PBK: variants seen among roughly 807,000 people sequenced by gnomAD.
PBK encodes the protein PDZ binding kinase.
In PBK, 22 loss-of-function variants were observed where a neutral mutation model predicts 33.5. The ratio of observed to expected loss-of-function variants is 0.66; its 90% CI spans 0.47 to 0.94. The LOEUF (loss-of-function observed/expected upper bound fraction) is 0.94, where lower values mean the gene tolerates loss of function less well. Among genes scored for constraint, PBK ranks in the 40% least tolerant of loss-of-function variants. PBK has a pLI of 0.00. For missense variants in PBK, 376 were observed against 383.4 expected, an observed-to-expected ratio of 0.98 and a Z score of 0.16; for synonymous variants, 129 against 123.8, an observed-to-expected ratio of 1.04 and a Z score of -0.28.
Position 27,822,495 on chromosome 8 carries a change from G to T in PBK, c.296-7C>A, listed in dbSNP as rs367671591. Reference sequence around the variant, plus strand: ...TCAGTAAAAGCACGATAACCTTAAAGAAAACATGACATTTCTTCACTAATA... The same window carrying T: ...TCAGTAAAAGCACGATAACCTTAAATAAAACATGACATTTCTTCACTAATA... On this transcript the variant is annotated splice_region_variant and splice_polypyrimidine_tract_variant and intron_variant, in intron 4 of 7. Coordinates refer to ENST00000301905, the MANE Select transcript of PBK (RefSeq NM_018492.4). 3.2e-5 allele frequency: 51 copies of T among 1,578,058 alleles called. No individual in the cohort carries two copies. Among genetic ancestry groups the T allele is most frequent in the Non-Finnish European group, 4.3e-5 (50 of 1,160,798 alleles).
In PBK at chr8:27,833,046, G is replaced by C. The variant is rs1418871050; in HGVS notation, c.58+10C>G. 2 of 1,515,878 alleles carry C rather than the reference G, an allele frequency of 1.3e-6. No homozygotes were observed. The highest frequency in any genetic ancestry group is 2.8e-5 in the African/African-American group (2 of 71,568). 93.9% of individuals were successfully genotyped at this position (1,515,878 alleles called of 1,614,324 possible). On this transcript the variant is annotated intron_variant, in intron 2 of 7. Coordinates refer to ENST00000301905, the MANE Select transcript of PBK (RefSeq NM_018492.4). Reference sequence around the variant, plus strand: ...TAGTAAAAAAAAAAATCTTACATCTGCTATCTTACCAGATTTCTTTTTTTC... The same window carrying C: ...TAGTAAAAAAAAAAATCTTACATCTCCTATCTTACCAGATTTCTTTTTTTC...
intron 5 of PBK, 30 bp from the exon 6 acceptor site, chr8:27,820,724 T>G (rs200142924): frequency 7.5e-7 from 1 of 1,334,120 alleles, no homozygotes; most frequent in African/African-American, 1.5e-5. Context: ...AACACATATG[T>G]GCAGAAACAC....
At chr8:27,823,569 G>A (rs747061966) in intron 3 of PBK, among the ~76,000 whole-genome samples, 1 of 151,850 alleles carries the variant, frequency 6.6e-6, no homozygotes, top group Non-Finnish European at 1.5e-5. Flanking sequence ...ATGAGTTATA[G>A]GATCCTGAAG....
Position 27,820,589 on chromosome 8 carries a change from G to A in PBK, c.571C>T (p.Leu191=), listed in dbSNP as rs370697278. 8 of 1,583,276 alleles carry A rather than the reference G, an allele frequency of 5.1e-6. No individual in the cohort carries two copies. Among genetic ancestry groups the A allele is most frequent in the Middle Eastern group, 1.7e-4 (1 of 6,022 alleles). ...CCAGTCATATTTTCATCCAGTGGTA[G>A]AGAGACTCCTACATCACAGATTTTA... is the stretch of plus-strand genomic sequence containing the variant. ...TIKICDVGVS[L]PLDENMTVTD... is the part of the protein sequence containing the mutation. Residue 191 remains leucine, a synonymous_variant, in exon 6 of 8, where the codon CTA becomes TTA. Coordinates refer to ENST00000301905, the MANE Select transcript of PBK (RefSeq NM_018492.4).
rs1563489324 is a variant in PBK, at chr8:27,816,359, T to TATATATATATATATATATATA, written c.595+4205_595+4206insTATATATATATATATATATAT. ...CATCGAATACTATATATATATATAT[T>TATATATATATATATATATATA]TATTTATTTATTTATTTATTTTAAT... On this transcript the variant is annotated intron_variant, in intron 6 of 7. Transcript: ENST00000301905. 2.7e-3 allele frequency among the ~76,000 whole-genome samples: 338 copies of TATATATATATATATATATATA among 125,978 alleles called. 2 individuals carry two copies. Among genetic ancestry groups the TATATATATATATATATATATA allele is most frequent in the East Asian group, 9.6e-3 (36 of 3,744 alleles). 82.6% of individuals were successfully genotyped at this position (125,978 alleles called of 152,430 possible).
intron 1 of PBK, among the ~76,000 whole-genome samples, chr8:27,833,650 CCAT>C (rs1806173778): frequency 6.6e-6 from 1 of 152,090 alleles, no homozygotes; most frequent in Non-Finnish European, 1.5e-5. Context: ...TTACTTACCC[CCAT>C]CATAATATTA....
chr8:27,813,842 T>G (rs757636391), intron 6 of PBK, among the ~76,000 whole-genome samples: 3 of 152,226 alleles, frequency 2.0e-5, no homozygotes, highest in African/African-American at 7.2e-5. Context: ...AGTATTAGAC[T>G]GAATTGGCTA....
At chr8:27,833,284 TGGATCACCTGAGGTC>T (rs1806165012) in intron 1 of PBK, among the ~76,000 whole-genome samples, 151 bp from the exon 2 acceptor site, 1 of 129,030 alleles carries the variant, frequency 7.8e-6, no homozygotes, top group Non-Finnish European at 1.6e-5. Context: ...CTGAGGTCGG[TGGATCACCTGAGGTC>T]GGGAGTTCGA....
rs112592456 is a variant in PBK at position 27,829,425 on chromosome 8, A to C, written c.59-1227T>G. On this transcript the variant is annotated intron_variant, in intron 2 of 7. Transcript: ENST00000301905. ...TCTCAAAAGGAACAGGCTAATGTGC[A>C]GGTAACTTAACCTCAGACCATAACT... Among the ~76,000 whole-genome samples, 452 of 152,352 alleles carry C rather than the reference A, an allele frequency of 3.0e-3. 8 individuals carry two copies. The highest frequency in any genetic ancestry group is 0.01 in the African/African-American group (428 of 41,586).
intron 5 of PBK, among the ~76,000 whole-genome samples, chr8:27,821,145 CAA>C (rs2128963357): frequency 6.6e-6 from 1 of 151,490 alleles, no homozygotes; most frequent in South Asian, 2.1e-4. Context: ...GTATTTGAAA[CAA>C]GAGAAGGGAA....
intron 6 of PBK, among the ~76,000 whole-genome samples, chr8:27,819,244 T>G (rs1426945144): frequency 6.6e-6 from 1 of 152,164 alleles, no homozygotes; most frequent in East Asian, 1.9e-4. Flanking sequence ...ATTAAGATTA[T>G]GTAGAATTTA....
intron 6 of PBK, among the ~76,000 whole-genome samples, chr8:27,815,027 A>C (rs1242489105): frequency 6.6e-6 from 1 of 152,230 alleles, no homozygotes; most frequent in Non-Finnish European, 1.5e-5. Flanking sequence ...CCTCACAAAT[A>C]AGGTTAGAGT....
At chr8:27,823,433 G>A (rs12682237) in intron 3 of PBK, among the ~76,000 whole-genome samples, 23,887 of 151,942 alleles carry the variant, frequency 0.16, 2,377 homozygotes, top group East Asian at 0.37. Flanking sequence ...GGGAGAGGAT[G>A]AAAAGAATTT....
chr8:27,819,562 A>G (rs1028974922), intron 6 of PBK, among the ~76,000 whole-genome samples: 2 of 152,104 alleles, frequency 1.3e-5, no homozygotes, highest in African/African-American at 4.8e-5. Context: ...ATGTTAAGGA[A>G]TATCACCTAT....
At chr8:27,837,538 C>G (rs367803235) in intron 1 of PBK, 114 bp downstream of exon 1, 2 of 152,152 alleles carry the variant, frequency 1.3e-5, no homozygotes, top group Non-Finnish European at 2.9e-5. Context: ...GGGCTGGCTG[C>G]CAAAATCCTT....
At chr8:27,817,266 C>T (rs1383108025) in intron 6 of PBK, among the ~76,000 whole-genome samples, 2 of 152,032 alleles carry the variant, frequency 1.3e-5, no homozygotes, top group African/African-American at 2.4e-5. Flanking sequence ...ATGTAACCTT[C>T]AGCATAAACC....
At chr8:27,832,994 C>A (rs1253822266) in intron 2 of PBK, 62 bp downstream of exon 2, 4 of 916,626 alleles carry the variant, frequency 4.4e-6, no homozygotes, top group Non-Finnish European at 6.8e-6. Context: ...CTAAATAATA[C>A]TAGGACATTT....
intron 3 of PBK, among the ~76,000 whole-genome samples, chr8:27,827,413 G>A (rs1806046177): frequency 6.6e-6 from 1 of 152,254 alleles, no homozygotes; most frequent in Admixed American, 6.5e-5. Flanking sequence ...TGGGTGTGAT[G>A]GTACACGCCT....
At chr8:27,837,076 C>A (rs990390107) in intron 1 of PBK, among the ~76,000 whole-genome samples, 2 of 150,520 alleles carry the variant, frequency 1.3e-5, no homozygotes, top group African/African-American at 4.9e-5. Context: ...GCAAAAAAAA[C>A]AGTGAATATT....
Sources: allele counts gnomAD v4.1 joint callset (sites outside exome capture counted in the v4.1 genomes callset), GRCh38; gene constraint gnomAD v4.1.1; transcripts MANE v1.5; gene names NCBI Gene and HGNC (gene_info 2026-07-23, HGNC 2026-07-21).